The following KCNQ1OT1 variants were observed in gnomAD, a reference collection of about 807,000 sequenced individuals.
KCNQ1OT1 encodes KCNQ1 opposite strand/antisense transcript 1, also known as KCNQ1 antisense RNA 2 (non-protein coding).
exon 1 of KCNQ1OT1, chr11:2,693,192 C>A (rs765904999): frequency 2.5e-6 from 1 of 398,576 alleles, no homozygotes; most frequent in East Asian, 3.6e-5. Context: ...TCTGGCTCTG[C>A]GTTCCAGTCA....
chr11:2,696,307 A>G (rs1850675311), exon 1 of KCNQ1OT1: 2 of 398,542 alleles, frequency 5.0e-6, no homozygotes, highest in African/African-American at 2.1e-5. Flanking sequence ...TTAGGAATCC[A>G]TATTCCTATT....
At position 2,614,085 on chromosome 11, in the gene KCNQ1OT1, G is replaced by A. The variant is rs572892800; in HGVS notation, n.85910C>T. 1.5e-5 allele frequency: 6 copies of A among 398,504 alleles called. No homozygotes were observed. The East Asian group carries it at 2.1e-4, about 14-fold the overall frequency. 24.7% of individuals were successfully genotyped at this position (398,504 alleles called of 1,614,324 possible). A position where few individuals can be genotyped will look rare whatever the true frequency, so the allele number is the denominator to read the frequency against. Reference sequence around the variant, plus strand: ...TCTCTTATGCTTGCATGTGTAGGTGGTTTCTAGATGGCAGCTATGCTCACC... The same window carrying A: ...TCTCTTATGCTTGCATGTGTAGGTGATTTCTAGATGGCAGCTATGCTCACC... On this transcript the variant is annotated non_coding_transcript_exon_variant, in exon 1 of 1. Coordinates refer to ENST00000597346, the Ensembl canonical transcript of KCNQ1OT1.
exon 1 of KCNQ1OT1, chr11:2,616,555 A>C (rs2133797898): frequency 2.5e-6 from 1 of 397,908 alleles, no homozygotes; most frequent in African/African-American, 2.1e-5. Flanking sequence ...CACTTCTTTC[A>C]CTACATCCCA....
In KCNQ1OT1 at chr11:2,654,375, T is replaced by G; in HGVS notation, n.45620A>C. The G allele has an allele frequency of 2.5e-6, 1 of 398,326 alleles. No homozygotes were observed. Among genetic ancestry groups the G allele is most frequent in the South Asian group, 1.3e-4 (1 of 7,832 alleles). 24.7% of individuals were successfully genotyped at this position (398,326 alleles called of 1,614,324 possible). A position where few individuals can be genotyped will look rare whatever the true frequency, so the allele number is the denominator to read the frequency against. On this transcript the variant is annotated non_coding_transcript_exon_variant, in exon 1 of 1. Transcript: ENST00000597346. This position sits in a 1 kb window ranked among gnomAD's most constrained non-coding sequence, Gnocchi z 6.4. The stretch of plus-strand genomic sequence containing the variant: ...AGAGCTTCTGTTCATCCTTGTGAAG[T>G]AGGCTGGCTCAGGGAACTCGCCTGT...
At chr11:2,684,791 G>T (rs1850455722) in exon 1 of KCNQ1OT1, 1 of 398,542 alleles carries the variant, frequency 2.5e-6, no homozygotes, top group African/African-American at 2.1e-5. Context: ...CCTCCCCACT[G>T]GTCTGGGCAC....
Position 2,620,631 on chromosome 11 carries a change from A to C in KCNQ1OT1, n.79364T>G, listed in dbSNP as rs1849154363. The C allele has an allele frequency of 5.0e-6, 2 of 397,892 alleles. No individual in the cohort carries two copies. The allele number at this position is 397,892 out of a possible 1,614,324, so 24.6% of individuals were successfully genotyped here. On this transcript the variant is annotated non_coding_transcript_exon_variant, in exon 1 of 1. Coordinates refer to ENST00000597346, the Ensembl canonical transcript of KCNQ1OT1. The surrounding 1 kb of genome is among the most constrained non-coding windows in gnomAD (Gnocchi z 4.5). ...TGGATTCCATGTCTTTGCTGTTGTG[A>C]ATAGTGCTGTGATGAACATACAAAT...
exon 1 of KCNQ1OT1, chr11:2,635,534 G>GGA (rs1849449586): frequency 6.6e-6 from 1 of 152,112 alleles, no homozygotes; most frequent in Non-Finnish European, 1.5e-5. Flanking sequence ...CTGTTCCATT[G>GGA]GTCTATATCT....
chr11:2,692,368 A>C lies in KCNQ1OT1; in HGVS notation n.7627T>G, dbSNP rs1850602419. On this transcript the variant is annotated non_coding_transcript_exon_variant, in exon 1 of 1. Coordinates refer to ENST00000597346, the Ensembl canonical transcript of KCNQ1OT1. ...GTACTGCAGGCATCTCCTAACTGGCATTCTCACATCCCCTGCCCCATTCCA... is the reference window on the plus strand; with the variant it reads ...GTACTGCAGGCATCTCCTAACTGGCCTTCTCACATCCCCTGCCCCATTCCA... The C allele has an allele frequency of 1.0e-5, 4 of 398,942 alleles. No individual in the cohort carries two copies. In the East Asian group the frequency reaches 1.4e-4, roughly 14 times the overall value. 24.7% of individuals were successfully genotyped at this position (398,942 alleles called of 1,614,324 possible).
Position 2,647,138 on chromosome 11 carries a change from T to G in KCNQ1OT1, n.52857A>C. On this transcript the variant is annotated non_coding_transcript_exon_variant, in exon 1 of 1. Coordinates refer to ENST00000597346, the Ensembl canonical transcript of KCNQ1OT1. This position sits in a 1 kb window ranked among gnomAD's most constrained non-coding sequence, Gnocchi z 4.0. ...GTCATATATGACCTTCATTGAGTTA[T>G]GTTCCTTCTAGACATTATGTGATGA... The G allele has an allele frequency of 2.5e-6, 1 of 398,558 alleles. No homozygotes were observed. Among genetic ancestry groups the G allele is most frequent in the Admixed American group, 4.4e-5 (1 of 22,736 alleles). The allele number at this position is 398,558 out of a possible 1,614,324, so 24.7% of individuals were successfully genotyped here.
exon 1 of KCNQ1OT1, chr11:2,686,666 T>G (rs556364715): frequency 2.5e-6 from 1 of 398,604 alleles, no homozygotes. Context: ...CTGGATCAAG[T>G]GTGGGTCCCA....
exon 1 of KCNQ1OT1, chr11:2,650,476 C>T: frequency 2.5e-6 from 1 of 398,616 alleles, no homozygotes; most frequent in Non-Finnish European, 4.4e-6. Flanking sequence ...GGTTCTGGTT[C>T]AGTGCAGAAG....
rs1590025742 is a variant in KCNQ1OT1, at chr11:2,677,135, C to T, written n.22860G>A. On this transcript the variant is annotated non_coding_transcript_exon_variant, in exon 1 of 1. Transcript: ENST00000597346. The surrounding 1 kb of genome is among the most constrained non-coding windows in gnomAD (Gnocchi z 4.5). ...ATTAGTTTCCCTGAAACATCCCTCC[C>T]TATTGAACACTGTTGTTTCTCCCTA... 2.5e-6 allele frequency: 1 copy of T among 398,596 alleles called. No homozygotes were observed. The highest frequency in any genetic ancestry group is 3.6e-5 in the East Asian group (1 of 28,074). The allele number at this position is 398,596 out of a possible 1,614,324, so 24.7% of individuals were successfully genotyped here. A position where few individuals can be genotyped will look rare whatever the true frequency, so the allele number is the denominator to read the frequency against.
rs1220754846 is a variant in KCNQ1OT1 at position 2,661,728 on chromosome 11, G to A, written n.38267C>T. 1.4e-4 allele frequency: 85 copies of A among 617,704 alleles called. No homozygotes were observed. Among genetic ancestry groups the A allele is most frequent in the East Asian group, 3.0e-4 (11 of 36,584 alleles). The allele number at this position is 617,704 out of a possible 1,614,324, so 38.3% of individuals were successfully genotyped here. The stretch of plus-strand genomic sequence containing the variant: ...CAGCCCCAGGCACAGTTACCACTCC[G>A]AAGATGATTCACTGGCCTTTATTCT... On this transcript the variant is annotated non_coding_transcript_exon_variant, in exon 1 of 1. Transcript: ENST00000597346. The surrounding 1 kb of genome is among the most constrained non-coding windows in gnomAD (Gnocchi z 5.9).
At chr11:2,699,598 G>A (rs1259912004) in exon 1 of KCNQ1OT1, 2 of 352,020 alleles carry the variant, frequency 5.7e-6, no homozygotes, top group Admixed American at 4.8e-5. Context: ...ACAGAACCGC[G>A]GCGAGAGGCC....
Position 2,621,480 on chromosome 11 carries a change from T to G in KCNQ1OT1, n.78515A>C, listed in dbSNP as rs1849171698. The G allele has an allele frequency of 2.5e-6, 1 of 398,606 alleles. No individual in the cohort carries two copies. Among genetic ancestry groups the G allele is most frequent in the Non-Finnish European group, 4.4e-6 (1 of 226,056 alleles). The allele number at this position is 398,606 out of a possible 1,614,324, so 24.7% of individuals were successfully genotyped here. A position where few individuals can be genotyped will look rare whatever the true frequency, so the allele number is the denominator to read the frequency against. On this transcript the variant is annotated non_coding_transcript_exon_variant, in exon 1 of 1. Coordinates refer to ENST00000597346, the Ensembl canonical transcript of KCNQ1OT1. This position sits in a 1 kb window ranked among gnomAD's most constrained non-coding sequence, Gnocchi z 5.7. ...AGATGAATAGTTTGCAAATATTTTT[T>G]CTCCCATTCTATATGTTGTCTGTTT...
At position 2,611,698 on chromosome 11, in the gene KCNQ1OT1, C is replaced by T. The variant is rs1215462126; in HGVS notation, n.88297G>A. ...TGCTCTTTATTGAGTTTTTAATTCACTTATATGTAATATAATTATTGATAT... is the reference window on the plus strand; with the variant it reads ...TGCTCTTTATTGAGTTTTTAATTCATTTATATGTAATATAATTATTGATAT... On this transcript the variant is annotated non_coding_transcript_exon_variant, in exon 1 of 1. Coordinates refer to ENST00000597346, the Ensembl canonical transcript of KCNQ1OT1. This position sits in a 1 kb window ranked among gnomAD's most constrained non-coding sequence, Gnocchi z 5.3. 7 of 398,396 alleles carry T rather than the reference C, an allele frequency of 1.8e-5. No homozygotes were observed. The highest frequency in any genetic ancestry group is 1.4e-4 in the African/African-American group (7 of 48,606). The allele number at this position is 398,396 out of a possible 1,614,324, so 24.7% of individuals were successfully genotyped here.
Position 2,699,852 on chromosome 11 carries a change from G to A in KCNQ1OT1, n.143C>T, listed in dbSNP as rs370819485. 87 of 395,382 alleles carry A rather than the reference G, an allele frequency of 2.2e-4. No homozygotes were observed. In the East Asian group the frequency reaches 2.9e-3, roughly 13 times the overall value. 24.5% of individuals were successfully genotyped at this position (395,382 alleles called of 1,614,324 possible). A position where few individuals can be genotyped will look rare whatever the true frequency, so the allele number is the denominator to read the frequency against. On this transcript the variant is annotated non_coding_transcript_exon_variant, in exon 1 of 1. Coordinates refer to ENST00000597346, the Ensembl canonical transcript of KCNQ1OT1. Reference sequence around the variant, plus strand: ...ACCGAGGAGGACCGCGCTGAGGGGCGCACCGGGAGAATCGTGCTGAGGAGC... The same window carrying A: ...ACCGAGGAGGACCGCGCTGAGGGGCACACCGGGAGAATCGTGCTGAGGAGC...
rs1370963636 is a variant in KCNQ1OT1 at position 2,659,404 on chromosome 11, G to C, written n.40591C>G. The C allele has an allele frequency of 7.5e-6, 3 of 398,430 alleles. No homozygotes were observed. In the East Asian group the frequency reaches 1.1e-4, roughly 14 times the overall value. 24.7% of individuals were successfully genotyped at this position (398,430 alleles called of 1,614,324 possible). On this transcript the variant is annotated non_coding_transcript_exon_variant, in exon 1 of 1. Coordinates refer to ENST00000597346, the Ensembl canonical transcript of KCNQ1OT1. The surrounding 1 kb of genome is among the most constrained non-coding windows in gnomAD (Gnocchi z 4.3). Reference sequence around the variant, plus strand: ...TTTCACTGCTTAGCAAAATGCATTTGAGATTCATCCATGTTGTTGCATAAA... The same window carrying C: ...TTTCACTGCTTAGCAAAATGCATTTCAGATTCATCCATGTTGTTGCATAAA...
At chr11:2,615,954 T>G in exon 1 of KCNQ1OT1, 2 of 398,164 alleles carry the variant, frequency 5.0e-6, no homozygotes, top group East Asian at 7.1e-5. Flanking sequence ...TCTTCAAGTG[T>G]TTGGTATAAT....
Sources: gnomAD v4.1 joint callset for allele counts on GRCh38, gnomAD v4.1.1 for gene constraint, Gnocchi (gnomAD v3.1) non-coding constraint, MANE v1.5 for transcripts, NCBI Gene and HGNC (gene_info 2026-07-23, HGNC 2026-07-21) for gene names.